The following LHFPL6 variants were observed in gnomAD, a reference collection of about 807,000 sequenced individuals.
LHFPL6 encodes LHFPL tetraspan subfamily member 6.
Under a neutral mutation model 20.6 loss-of-function variants are expected in LHFPL6, and 9 were observed. The observed-to-expected ratio is 0.44, with a 90% CI of 0.26 to 0.76. The LOEUF (loss-of-function observed/expected upper bound fraction) is 0.76, where lower values mean the gene tolerates loss of function less well. Among genes scored for constraint, LHFPL6 ranks in the 30% least tolerant of loss-of-function variants. The probability of loss-of-function intolerance (pLI) is 0.20; values close to 1 mark genes in which losing one functional copy is unlikely to be tolerated. For synonymous variants in LHFPL6, 105 were observed against 98.7 expected, an observed-to-expected ratio of 1.06 and a Z score of -0.38; for missense variants, 218 against 253.5, an observed-to-expected ratio of 0.86 and a Z score of 0.95.
chr13:39,402,272 T>C (rs1871012702), intron 2 of LHFPL6, among the ~76,000 whole-genome samples: 1 of 152,338 alleles, frequency 6.6e-6, no homozygotes, highest in South Asian at 2.1e-4. Context: ...TCACCCAGGC[T>C]GGAGTGCAGT....
At chr13:39,354,281 A>C (rs1346090631) in intron 3 of LHFPL6, among the ~76,000 whole-genome samples, 2 of 152,156 alleles carry the variant, frequency 1.3e-5, no homozygotes, top group African/African-American at 4.8e-5. Context: ...TCCTGCACAG[A>C]GTCTTGGGCC....
chr13:39,534,171 A>G (rs1870548924), intron 2 of LHFPL6, among the ~76,000 whole-genome samples: 1 of 152,208 alleles, frequency 6.6e-6, no homozygotes, highest in Admixed American at 6.5e-5. Context: ...AGTATTTGGA[A>G]CTACATATAT....
intron 2 of LHFPL6, among the ~76,000 whole-genome samples, chr13:39,586,369 C>A (rs1480043517): frequency 6.6e-6 from 1 of 152,148 alleles, no homozygotes. Flanking sequence ...GCAAATGATT[C>A]TAAAATCAGA....
intron 2 of LHFPL6, among the ~76,000 whole-genome samples, chr13:39,575,842 A>G (rs892051397): frequency 3.3e-5 from 5 of 152,162 alleles, no homozygotes; most frequent in African/African-American, 7.2e-5. Flanking sequence ...GCCTGCTCCT[A>G]TCTTCAGATT....
At chr13:39,482,934 A>C (rs1868580762) in intron 2 of LHFPL6, among the ~76,000 whole-genome samples, 2 of 152,216 alleles carry the variant, frequency 1.3e-5, no homozygotes, top group East Asian at 3.9e-4. Flanking sequence ...AGTACACAGT[A>C]CAGATGCAGG....
intron 2 of LHFPL6, among the ~76,000 whole-genome samples, chr13:39,523,528 C>T (rs1176588974): frequency 7.2e-6 from 1 of 138,148 alleles, no homozygotes; most frequent in Non-Finnish European, 1.5e-5. Flanking sequence ...GAGATCACAG[C>T]GAGACTCCGT....
At chr13:39,489,878 T>C (rs949853698) in intron 2 of LHFPL6, among the ~76,000 whole-genome samples, 1 of 152,156 alleles carries the variant, frequency 6.6e-6, no homozygotes, top group Admixed American at 6.5e-5. Context: ...TTGAATTTAC[T>C]ATACAACTTT....
At chr13:39,396,608 C>G (rs558990665) in intron 2 of LHFPL6, among the ~76,000 whole-genome samples, 1 of 152,044 alleles carries the variant, frequency 6.6e-6, no homozygotes, top group South Asian at 2.1e-4. Flanking sequence ...CCGGCCCGGG[C>G]AACATGGCAA....
At chr13:39,511,747 G>A (rs995738857) in intron 2 of LHFPL6, among the ~76,000 whole-genome samples, 1 of 152,182 alleles carries the variant, frequency 6.6e-6, no homozygotes. Flanking sequence ...AGCCTGAAAA[G>A]ATACCTGCTA....
intron 2 of LHFPL6, among the ~76,000 whole-genome samples, chr13:39,495,058 C>T (rs1479684412): frequency 6.6e-6 from 1 of 152,196 alleles, no homozygotes; most frequent in Non-Finnish European, 1.5e-5. Context: ...TCACTTTCTC[C>T]GTGCTCACCA....
chr13:39,396,813 G>C (rs1480434421), intron 2 of LHFPL6, among the ~76,000 whole-genome samples: 1 of 151,968 alleles, frequency 6.6e-6, no homozygotes, highest in Non-Finnish European at 1.5e-5. Context: ...AAAAAAGACA[G>C]GAAGACAGGC....
intron 2 of LHFPL6, among the ~76,000 whole-genome samples, chr13:39,433,139 A>G (rs1210254581): frequency 6.6e-6 from 1 of 152,052 alleles, no homozygotes; most frequent in African/African-American, 2.4e-5. Flanking sequence ...AAGCTCTTCT[A>G]CCTCTAAATT....
chr13:39,495,081 T>C (rs1277875165), intron 2 of LHFPL6, among the ~76,000 whole-genome samples: 1 of 152,178 alleles, frequency 6.6e-6, no homozygotes, highest in East Asian at 1.9e-4. Context: ...TTCATATCTA[T>C]AGGTAGAAGG....
intron 2 of LHFPL6, among the ~76,000 whole-genome samples, chr13:39,435,911 T>C (rs907836754): frequency 6.6e-6 from 1 of 152,118 alleles, no homozygotes; most frequent in African/African-American, 2.4e-5. Context: ...AACCAGTCAC[T>C]AAAGAAGTGA....
intron 3 of LHFPL6, among the ~76,000 whole-genome samples, chr13:39,360,936 T>C (rs1869855914): frequency 1.0e-5 from 1 of 97,432 alleles, no homozygotes; most frequent in Non-Finnish European, 2.4e-5. Flanking sequence ...TAAGAGACTG[T>C]GGGCAAAAGA....
intron 2 of LHFPL6, among the ~76,000 whole-genome samples, chr13:39,493,793 C>T (rs1222800913): frequency 2.6e-5 from 4 of 152,136 alleles, no homozygotes; most frequent in Non-Finnish European, 2.9e-5. Context: ...CATCAATGTC[C>T]TCAGGAAAGA....
intron 2 of LHFPL6, among the ~76,000 whole-genome samples, chr13:39,478,397 A>C (rs1198746290): frequency 6.6e-6 from 1 of 152,226 alleles, no homozygotes; most frequent in Non-Finnish European, 1.5e-5. Flanking sequence ...AGGAAGCTAG[A>C]CATGAGCACA....
At position 39,601,056 on chromosome 13, in the gene LHFPL6, A is replaced by G. The variant is rs1223883160; in HGVS notation, c.161T>C (p.Val54Ala). 3 of 1,614,114 alleles carry G rather than the reference A, an allele frequency of 1.9e-6. No homozygotes were observed. Among genetic ancestry groups the G allele is most frequent in the African/African-American group, 2.7e-5 (2 of 74,942 alleles). Residue 54 changes from valine to alanine, a missense_variant, in exon 2 of 4, where the codon GTG becomes GCG. Val to Ala is a moderately conservative substitution (Grantham distance 64). Coordinates refer to ENST00000379589, the MANE Select transcript of LHFPL6 (RefSeq NM_005780.3). ...FGTFRRCSYP[V>A]HDESRQMMVM... is the part of the protein sequence containing the mutation. ...CATCATCTGCCGACTCTCATCATGC[A>G]CAGGATATGAGCACCTCCGGAAGGT...
At chr13:39,573,715 A>C (rs1218548413) in intron 2 of LHFPL6, among the ~76,000 whole-genome samples, 1 of 152,202 alleles carries the variant, frequency 6.6e-6, no homozygotes, top group Admixed American at 6.5e-5. Flanking sequence ...TAGGAAAAAT[A>C]ACTAAAGAAA....
Sources: gnomAD v4.1 joint callset for allele counts (sites outside exome capture counted in the v4.1 genomes callset) on GRCh38, gnomAD v4.1.1 for gene constraint, MANE v1.5 for transcripts, NCBI Gene and HGNC (gene_info 2026-07-23, HGNC 2026-07-21) for gene names.